Variants in P4HA3 observed in about 807,000 individuals in gnomAD.
P4HA3 encodes the protein prolyl 4-hydroxylase subunit alpha-3.
Under a neutral mutation model 66.7 loss-of-function variants are expected in P4HA3, and 60 were observed. The observed-to-expected ratio is 0.90, with a 90% confidence interval of 0.73 to 1.12. The LOEUF (loss-of-function observed/expected upper bound fraction) is 1.12. Among genes scored for constraint, P4HA3 ranks in the 50% most tolerant of loss-of-function variants. The probability of loss-of-function intolerance (pLI) is 0.00; values close to 1 mark genes in which losing one functional copy is unlikely to be tolerated. For missense variants in P4HA3, 683 were observed against 685.8 expected, an observed-to-expected ratio of 1.00 and a Z score of 0.05; for synonymous variants, 263 against 274.6, an observed-to-expected ratio of 0.96 and a Z score of 0.42.
chr11:74,268,066 G>A, intron 12 of P4HA3, 79 bp downstream of exon 12: 1 of 1,235,784 alleles, frequency 8.1e-7, no homozygotes. Context: ...GGATGGCTGT[G>A]GTAGGTCCCA....
chr11:74,286,499 T>C, intron 5 of P4HA3, 108 bp from the exon 6 acceptor site: 1 of 1,024,898 alleles, frequency 9.8e-7, no homozygotes, highest in East Asian at 2.7e-5. Context: ...GATGGGCAAG[T>C]GGATCTCCTG....
At chr11:74,286,711 A>G (rs1318380230) in intron 5 of P4HA3, among the ~76,000 whole-genome samples, 1 of 152,188 alleles carries the variant, frequency 6.6e-6, no homozygotes, top group African/African-American at 2.4e-5. Context: ...ATATATGGCG[A>G]AGATGAAGCC....
At chr11:74,264,605 C>A (rs1591083181), downstream of P4HA3, among the ~76,000 whole-genome samples, 1 of 152,288 alleles carries the variant, frequency 6.6e-6, no homozygotes, top group East Asian at 1.9e-4. Flanking sequence ...CCAGCAACGG[C>A]CTGGCACTGA....
At chr11:74,293,061 T>A (rs1434926231) in intron 4 of P4HA3, among the ~76,000 whole-genome samples, 1 of 149,918 alleles carries the variant, frequency 6.7e-6, no homozygotes, top group Non-Finnish European at 1.5e-5. Flanking sequence ...AAGTCTCCCA[T>A]TATTATTGTG....
intron 4 of P4HA3, among the ~76,000 whole-genome samples, chr11:74,293,719 T>G (rs575182804): frequency 2.8e-4 from 42 of 152,328 alleles, no homozygotes; most frequent in African/African-American, 9.9e-4. Flanking sequence ...TTAGTTTGGC[T>G]GGATATGAGA....
intron 15 of P4HA3, among the ~76,000 whole-genome samples, chr11:74,258,621 T>C (rs1403400800): frequency 1.3e-5 from 2 of 152,066 alleles, no homozygotes; most frequent in East Asian, 3.9e-4. Flanking sequence ...GCCACCTGAC[T>C]TCCAGACGAG....
At chr11:74,251,815 G>A in intron 15 of P4HA3, 1 of 1,467,456 alleles carries the variant, frequency 6.8e-7, no homozygotes, top group Admixed American at 1.7e-5. Context: ...CCCCTGCCTG[G>A]TTTGGTCACC....
intron 1 of P4HA3, among the ~76,000 whole-genome samples, chr11:74,309,223 C>T (rs972781833): frequency 1.3e-5 from 2 of 152,218 alleles, no homozygotes; most frequent in Non-Finnish European, 2.9e-5. Flanking sequence ...TTAGTTTTCT[C>T]ATGTTTTAAC....
intron 6 of P4HA3, 104 bp from the exon 7 acceptor site, chr11:74,286,089 A>G (rs1860789280): frequency 6.7e-7 from 1 of 1,489,444 alleles, no homozygotes; most frequent in Admixed American, 1.8e-5. Context: ...AGAGATACAG[A>G]ATGTGGTCAC....
intron 9 of P4HA3, among the ~76,000 whole-genome samples, chr11:74,275,048 A>G (rs986993483): frequency 1.3e-5 from 2 of 152,256 alleles, no homozygotes; most frequent in Non-Finnish European, 2.9e-5. Context: ...TTACTGAGTT[A>G]TAAAAGTTCT....
chr11:74,276,942 T>C, intron 9 of P4HA3, 43 bp downstream of exon 9: 1 of 1,570,058 alleles, frequency 6.4e-7, no homozygotes, highest in African/African-American at 1.4e-5. Context: ...AATAATGCCC[T>C]GGCTCCCTAC....
chr11:74,273,938 A>T (rs1860297872), intron 9 of P4HA3, among the ~76,000 whole-genome samples: 1 of 152,182 alleles, frequency 6.6e-6, no homozygotes, highest in South Asian at 2.1e-4. Context: ...ATTACAGACA[A>T]TTATTCTGTA....
intron 8 of P4HA3, among the ~76,000 whole-genome samples, chr11:74,278,080 G>A (rs1860462605): frequency 6.6e-6 from 1 of 152,184 alleles, no homozygotes; most frequent in South Asian, 2.1e-4. Flanking sequence ...AACAAAGTAA[G>A]GTACAGTGAA....
chr11:74,298,170 A>G (rs1861286992), intron 4 of P4HA3, 42 bp downstream of exon 4: 3 of 1,593,244 alleles, frequency 1.9e-6, no homozygotes, highest in South Asian at 2.3e-5. Flanking sequence ...AAAGGATTTC[A>G]CTTAGTATAA....
At chr11:74,272,302 T>C (rs1307461269) in intron 10 of P4HA3, among the ~76,000 whole-genome samples, 1 of 152,088 alleles carries the variant, frequency 6.6e-6, no homozygotes, top group Non-Finnish European at 1.5e-5. Context: ...CTATAGTAAC[T>C]GGGGCCCTGT....
chr11:74,267,307 A>C lies in P4HA3; in HGVS notation c.1576T>G (p.Trp526Gly), dbSNP rs750049929. ...LVGDKWVANK[W>G]IHEYGQEFRR... Reference sequence around the variant, plus strand: ...AATTCCTGTCCATACTCATGTATCCACTTGTTGGCCACTGGGAGAGAACAG... The same window carrying C: ...AATTCCTGTCCATACTCATGTATCCCCTTGTTGGCCACTGGGAGAGAACAG... Residue 526 changes from tryptophan to glycine, a missense_variant, in exon 13 of 13, where the codon TGG (tryptophan) becomes GGG (glycine). By Grantham distance (184) the Trp-to-Gly change is radical. Transcript: ENST00000331597. 1 of 1,614,086 alleles carries C rather than the reference A, an allele frequency of 6.2e-7. No homozygotes were observed. The highest frequency in any genetic ancestry group is 1.7e-5 in the Admixed American group (1 of 60,006).
At chr11:74,305,706 G>T (rs2134829783) in intron 1 of P4HA3, among the ~76,000 whole-genome samples, 1 of 152,236 alleles carries the variant, frequency 6.6e-6, no homozygotes, top group East Asian at 1.9e-4. Flanking sequence ...ACAAAGGCAA[G>T]ACGAGGTCTA....
chr11:74,284,536 T>C (rs1183016192), intron 7 of P4HA3, among the ~76,000 whole-genome samples: 1 of 152,222 alleles, frequency 6.6e-6, no homozygotes. Context: ...TAATTTAATT[T>C]AATCATGATT....
downstream of P4HA3, among the ~76,000 whole-genome samples, chr11:74,263,747 G>A (rs1159090275): frequency 6.6e-6 from 1 of 152,168 alleles, no homozygotes; most frequent in Non-Finnish European, 1.5e-5. Context: ...TCTGGAATGA[G>A]GCTTGCAAGT....
Sources: allele counts gnomAD v4.1 joint callset (sites outside exome capture counted in the v4.1 genomes callset), GRCh38; gene constraint gnomAD v4.1.1; transcripts MANE v1.5; gene names NCBI Gene and HGNC (gene_info 2026-07-23, HGNC 2026-07-21).